The following CWC25 variants were observed in gnomAD, a reference collection of about 807,000 sequenced individuals.
The protein encoded by CWC25 is CWC25 spliceosome associated protein.
A neutral mutation model predicts 54.6 loss-of-function variants in CWC25; 31 were observed. The ratio of observed to expected loss-of-function variants is 0.57; its 90% confidence interval spans 0.43 to 0.77. The LOEUF is 0.77. Among genes scored for constraint, CWC25 ranks in the 30% least tolerant of loss-of-function variants. The probability of loss-of-function intolerance (pLI) is 0.00; values close to 1 mark genes in which losing one functional copy is unlikely to be tolerated. For missense variants in CWC25, 453 were observed against 529.3 expected (o/e 0.86, Z 1.41); for synonymous variants, 151 against 187.0 (o/e 0.81, Z 1.57).
chr17:38,814,710 C>A (rs1911625847), intron 3 of CWC25, 151 bp downstream of exon 3: 3 of 637,668 alleles, frequency 4.7e-6, no homozygotes, highest in Non-Finnish European at 5.2e-6. Flanking sequence ...CGCGCCACTG[C>A]ACTTCAGCCT....
rs551898463 is a variant in CWC25, at chr17:38,816,145, G to A, written c.192-1048C>T. On this transcript the variant is annotated intron_variant, in intron 2 of 9. Coordinates refer to ENST00000614790, the MANE Select transcript of CWC25 (RefSeq NM_017748.5). The stretch of plus-strand genomic sequence containing the variant: ...GCAGGCTAAATTCATAAGAGCATGC[G>A]TGGAAGCAGCCAATACTACATTCAC... Among the ~76,000 whole-genome samples, 218 of 152,256 alleles carry A rather than the reference G, an allele frequency of 1.4e-3. 1 individual carries two copies. Among genetic ancestry groups the A allele is most frequent in the Middle Eastern group, 0.01 (3 of 294 alleles).
intron 6 of CWC25, 98 bp downstream of exon 6, chr17:38,809,604 G>T: frequency 1.8e-6 from 2 of 1,118,602 alleles, no homozygotes; most frequent in Non-Finnish European, 2.6e-6. Context: ...TTTCCCAGCA[G>T]CCCAGGCTTC....
chr17:38,808,055 CAA>C (rs61226105), intron 6 of CWC25, among the ~76,000 whole-genome samples: 9 of 52,732 alleles, frequency 1.7e-4, no homozygotes, highest in Admixed American at 2.6e-4. Context: ...GACTCCATCT[CAA>C]AAAAAAAAAA....
chr17:38,821,213 T>C, intron 1 of CWC25, 140 bp from the exon 2 acceptor site: 1 of 745,674 alleles, frequency 1.3e-6, no homozygotes, highest in Non-Finnish European at 2.1e-6. Context: ...AAGGTTTTCT[T>C]CCAATAATCT....
At chr17:38,810,936 A>AAG (rs1911460688) in intron 4 of CWC25, among the ~76,000 whole-genome samples, 1 of 150,594 alleles carries the variant, frequency 6.6e-6, no homozygotes, top group East Asian at 1.9e-4. Flanking sequence ...AAAAAAAAAA[A>AAG]AAAAAGATTA....
intron 1 of CWC25, among the ~76,000 whole-genome samples, chr17:38,822,850 ATTTTT>A (rs36069874): frequency 3.6e-5 from 5 of 139,512 alleles, no homozygotes; most frequent in Admixed American, 1.5e-4. Flanking sequence ...CGCCTGGCCA[ATTTTT>A]TTTTTTTTTT....
intron 4 of CWC25, among the ~76,000 whole-genome samples, chr17:38,810,813 C>T (rs2143566678): frequency 6.8e-6 from 1 of 147,992 alleles, no homozygotes; most frequent in East Asian, 2.0e-4. Context: ...ATACCAGCTA[C>T]TTGAGAGGTG....
chr17:38,825,226 C>A lies in CWC25; in HGVS notation c.-43G>T, dbSNP rs201174196. 6.4e-7 allele frequency: 1 copy of A among 1,574,682 alleles called. No individual in the cohort carries two copies. Among genetic ancestry groups the A allele is most frequent in the Non-Finnish European group, 8.6e-7 (1 of 1,161,188 alleles). Reference sequence around the variant, plus strand: ...CTCACTACGCGGATCTGGAAGATTTCGGGAGGATCAAGAGAAAACGTAGAG... The same window carrying A: ...CTCACTACGCGGATCTGGAAGATTTAGGGAGGATCAAGAGAAAACGTAGAG... On this transcript the variant is annotated 5_prime_UTR_variant, in exon 1 of 10. Coordinates refer to ENST00000614790, the MANE Select transcript of CWC25 (RefSeq NM_017748.5).
chr17:38,814,052 G>A (rs1362815509), intron 3 of CWC25, among the ~76,000 whole-genome samples: 3 of 151,558 alleles, frequency 2.0e-5, no homozygotes, highest in Non-Finnish European at 2.9e-5. Context: ...TAGTAGAGAC[G>A]GGGTTTCACC....
intron 5 of CWC25, among the ~76,000 whole-genome samples, chr17:38,810,097 C>T: frequency 6.6e-6 from 1 of 152,096 alleles, no homozygotes; most frequent in East Asian, 1.9e-4. Context: ...AATGGGCCCA[C>T]ATCAGCCATC....
At chr17:38,808,593 G>A (rs12951518) in intron 6 of CWC25, among the ~76,000 whole-genome samples, 7 of 139,200 alleles carry the variant, frequency 5.0e-5, no homozygotes, top group African/African-American at 1.3e-4. Context: ...CCAGCCTGAC[G>A]AACATGGAGA....
rs910374957 is a variant in CWC25 at position 38,810,495 on chromosome 17, C to T, written c.599G>A (p.Ser200Asn). The T allele has an allele frequency of 4.4e-6, 7 of 1,604,234 alleles. No homozygotes were observed. The highest frequency in any genetic ancestry group is 6.0e-6 in the Non-Finnish European group (7 of 1,175,458). The change falls in exon 5 of 10, where the codon AGC (serine) becomes AAC (asparagine). Residue 200 changes from serine (S) to asparagine (N), a missense_variant. Around this residue, in one of 2 missense-constraint regions of CWC25, gnomAD observed 444 missense variants for 499.2 expected, o/e 0.89. Transcript: ENST00000614790. ...CCCTGCACTGTGCTCATCCTCGCTG[C>T]TGGAACGATCACTACTCGAGCTTCT... is the stretch of plus-strand genomic sequence containing the variant. ...KHRSSSSDRS[S>N]SEDEHSAGRS...
chr17:38,805,245 A>AGC (rs1453619775), intron 8 of CWC25, among the ~76,000 whole-genome samples: 1 of 152,170 alleles, frequency 6.6e-6, no homozygotes, highest in Non-Finnish European at 1.5e-5. Flanking sequence ...ACTGCACTCC[A>AGC]GCCTGGGAGA....
intron 8 of CWC25, among the ~76,000 whole-genome samples, chr17:38,805,496 T>C (rs961920314): frequency 2.6e-4 from 39 of 152,132 alleles, no homozygotes; most frequent in African/African-American, 9.4e-4. Context: ...TAATTTTTTG[T>C]AGAGATAGTG....
rs148220885 is a variant in CWC25, at chr17:38,810,975, A to G, written c.499-380T>C. Among the ~76,000 whole-genome samples, 32 of 148,808 alleles carry G rather than the reference A, an allele frequency of 2.2e-4. 2 individuals are homozygous for G. In the East Asian group the frequency reaches 6.2e-3, roughly 29 times the overall value. On this transcript the variant is annotated intron_variant, in intron 4 of 9. Transcript: ENST00000614790. ...GCTGGGCATGGTGGCTCACGCCTGT[A>G]ATCTCTCAGCACTTTGAGAGGCTGA... is the stretch of plus-strand genomic sequence containing the variant.
intron 2 of CWC25, among the ~76,000 whole-genome samples, chr17:38,816,253 T>C (rs1911694636): frequency 1.3e-5 from 2 of 152,036 alleles, no homozygotes; most frequent in East Asian, 3.9e-4. Flanking sequence ...TTTTTTGTTC[T>C]TTTTTTTCTT....
At chr17:38,810,401 CTG>C in intron 5 of CWC25, 65 bp downstream of exon 5, 1 of 1,468,626 alleles carries the variant, frequency 6.8e-7, no homozygotes, top group Non-Finnish European at 9.1e-7. Flanking sequence ...GTGTTCATGT[CTG>C]TGGAATGAAT....
intron 5 of CWC25, 31 bp downstream of exon 5, chr17:38,810,437 C>T (rs201056992): frequency 7.3e-6 from 11 of 1,509,468 alleles, no homozygotes; most frequent in South Asian, 2.7e-5. Flanking sequence ...AGTGAATCAA[C>T]GAGAAGGGAG....
chr17:38,810,652 G>A, intron 4 of CWC25, 57 bp from the exon 5 acceptor site: 1 of 859,284 alleles, frequency 1.2e-6, no homozygotes. Flanking sequence ...CAGCGCAGTG[G>A]CTCATGCCTG....
Sources: gnomAD v4.1 joint callset for allele counts (sites outside exome capture counted in the v4.1 genomes callset) on GRCh38, gnomAD v4.1.1 for gene constraint, gnomAD v4.1.1 regional missense constraint, MANE v1.5 for transcripts, NCBI Gene and HGNC (gene_info 2026-07-23, HGNC 2026-07-21) for gene names.